The following SLC22A3 variants were observed in gnomAD, a reference collection of about 807,000 sequenced individuals.
SLC22A3 encodes solute carrier family 22 member 3.
SLC22A3 carries 51 observed loss-of-function variants against 59.1 expected under a neutral mutation model. The observed-to-expected ratio is 0.86, with a 90% CI of 0.69 to 1.09. The LOEUF (loss-of-function observed/expected upper bound fraction) is 1.09, where lower values mean the gene tolerates loss of function less well. SLC22A3 is among the 50% of genes least tolerant of loss of function. SLC22A3 has a pLI of 0.00. For synonymous variants in SLC22A3, 325 were observed against 292.0 expected (o/e 1.11, Z -1.15); for missense variants, 711 against 726.3 (o/e 0.98, Z 0.24).
chr6:160,351,437 T>C (rs371186697), intron 1 of SLC22A3, among the ~76,000 whole-genome samples: 345 of 152,350 alleles, frequency 2.3e-3, no homozygotes, highest in African/African-American at 7.7e-3. Context: ...CCAAATAGTT[T>C]TGTGCTTCTT....
chr6:160,411,888 G>A (rs911430819), intron 5 of SLC22A3, among the ~76,000 whole-genome samples: 55 of 152,200 alleles, frequency 3.6e-4, no homozygotes, highest in African/African-American at 1.3e-3. Flanking sequence ...ATATGATGAT[G>A]TTTTAGCTCC....
At chr6:160,377,479 C>CA (rs113037123) in intron 1 of SLC22A3, among the ~76,000 whole-genome samples, 6,383 of 135,148 alleles carry the variant, frequency 0.047, 387 homozygotes, top group African/African-American at 0.15. Flanking sequence ...GACTCTATTT[C>CA]AAAAAAAAAA....
At chr6:160,349,068 T>A in intron 1 of SLC22A3, 1 of 985,472 alleles carries the variant, frequency 1.0e-6, no homozygotes, top group Non-Finnish European at 1.2e-6. Flanking sequence ...CGTGAGTTAA[T>A]GCACAGATAC....
chr6:160,451,365 G>A lies in SLC22A3; in HGVS notation c.*309G>A, dbSNP rs1788957204. ...TCTCTGACCCATTAGGCTAAAGAGAGACAAGAGAAGCCCCCAACCTGATTC... is the reference window on the plus strand; with the variant it reads ...TCTCTGACCCATTAGGCTAAAGAGAAACAAGAGAAGCCCCCAACCTGATTC... On this transcript the variant is annotated 3_prime_UTR_variant, in exon 11 of 11. Transcript: ENST00000275300. The A allele has an allele frequency of 3.1e-6, 1 of 324,432 alleles. No individual in the cohort carries two copies. Among genetic ancestry groups the A allele is most frequent in the South Asian group, 4.1e-5 (1 of 24,130 alleles). 20.1% of individuals were successfully genotyped at this position (324,432 alleles called of 1,614,324 possible).
chr6:160,398,710 G>C (rs1786628932), intron 2 of SLC22A3, among the ~76,000 whole-genome samples: 1 of 152,072 alleles, frequency 6.6e-6, no homozygotes, highest in South Asian at 2.1e-4. Context: ...GCTAGCTATT[G>C]TATTCATGTT....
intron 10 of SLC22A3, among the ~76,000 whole-genome samples, chr6:160,450,056 A>T (rs1788892327): frequency 6.6e-6 from 1 of 152,210 alleles, no homozygotes; most frequent in Admixed American, 6.5e-5. Flanking sequence ...GTCTTGATAA[A>T]CATCTTAAAC....
rs920591596 is a variant in SLC22A3 at position 160,452,116 on chromosome 6, C to T, written c.*1060C>T. ...TACAGAGACTAATAAGGGATTTGAT[C>T]TTTCTTTTTTTGTTATCGAGGCTTT... On this transcript the variant is annotated 3_prime_UTR_variant, in exon 11 of 11. Coordinates refer to ENST00000275300, the MANE Select transcript of SLC22A3 (RefSeq NM_021977.4). 2.0e-5 allele frequency: 3 copies of T among 152,106 alleles called. No individual in the cohort carries two copies. The highest frequency in any genetic ancestry group is 7.2e-5 in the African/African-American group (3 of 41,428). The allele number at this position is 152,106 out of a possible 1,614,324, so 9.4% of individuals were successfully genotyped here.
intron 1 of SLC22A3, among the ~76,000 whole-genome samples, chr6:160,385,246 T>A (rs1282709662): frequency 1.3e-5 from 2 of 152,266 alleles, no homozygotes; most frequent in Non-Finnish European, 2.9e-5. Flanking sequence ...AGAATTGTGC[T>A]GAGCCCTGCT....
intron 1 of SLC22A3, among the ~76,000 whole-genome samples, chr6:160,360,287 G>A (rs2457558): frequency 0.17 from 26,304 of 151,998 alleles, 2,724 homozygotes; most frequent in Non-Finnish European, 0.23. Context: ...GTGAAACCCC[G>A]TCTCTACTAA....
intron 1 of SLC22A3, among the ~76,000 whole-genome samples, chr6:160,386,348 C>T (rs539031681): frequency 1.3e-5 from 2 of 152,370 alleles, no homozygotes; most frequent in East Asian, 3.9e-4. Context: ...AAGGTTGTGG[C>T]ACTGCAGGGT....
intron 1 of SLC22A3, among the ~76,000 whole-genome samples, chr6:160,394,983 C>T (rs1040198686): frequency 2.0e-5 from 3 of 152,170 alleles, no homozygotes; most frequent in Non-Finnish European, 4.4e-5. Context: ...CCTACTGGTA[C>T]AACCTACACA....
At position 160,451,382 on chromosome 6, in the gene SLC22A3, A is replaced by G. The variant is rs999737030; in HGVS notation, c.*326A>G. On this transcript the variant is annotated 3_prime_UTR_variant, in exon 11 of 11. Transcript: ENST00000275300. ...TAAAGAGAGACAAGAGAAGCCCCCA[A>G]CCTGATTCTCATGACAGCTCCATCA... is the stretch of plus-strand genomic sequence containing the variant. The G allele has an allele frequency of 3.5e-6, 1 of 285,218 alleles. No homozygotes were observed. The highest frequency in any genetic ancestry group is 2.2e-5 in the African/African-American group (1 of 46,274). 17.7% of individuals were successfully genotyped at this position (285,218 alleles called of 1,614,324 possible). A position where few individuals can be genotyped will look rare whatever the true frequency, so the allele number is the denominator to read the frequency against.
intron 4 of SLC22A3, 57 bp from the exon 5 acceptor site, chr6:160,410,672 A>G: frequency 9.3e-7 from 1 of 1,076,526 alleles, no homozygotes; most frequent in Non-Finnish European, 1.4e-6. Context: ...TCAAGGCAAT[A>G]GATTTTAGCG....
rs1562508119 is a variant in SLC22A3 at position 160,451,058 on chromosome 6, G to GC, written c.*7dup. 1 of 1,589,784 alleles carries GC rather than the reference G, an allele frequency of 6.3e-7. No individual in the cohort carries two copies. The highest frequency in any genetic ancestry group is 8.6e-7 in the Non-Finnish European group (1 of 1,165,962). The stretch of plus-strand genomic sequence containing the variant: ...CCAGTTTCCCGCTCTCACCTTTGAG[G>GC]CCCCCGACAAAGACAGAAAGAAGGA... On this transcript the variant is annotated 3_prime_UTR_variant, in exon 11 of 11. Coordinates refer to ENST00000275300, the MANE Select transcript of SLC22A3 (RefSeq NM_021977.4).
chr6:160,441,607 C>CTTTTT (rs3066987), intron 7 of SLC22A3, among the ~76,000 whole-genome samples: 2 of 136,598 alleles, frequency 1.5e-5, no homozygotes, highest in South Asian at 2.3e-4. Context: ...TGAATTTTAG[C>CTTTTT]TTTTTTTTTT....
intron 1 of SLC22A3, among the ~76,000 whole-genome samples, chr6:160,381,942 T>C (rs1023344133): frequency 5.9e-5 from 9 of 152,218 alleles, no homozygotes; most frequent in African/African-American, 9.6e-5. Flanking sequence ...ATATGTATAA[T>C]GGTAGGAATT....
chr6:160,430,865 T>C (rs183927367), intron 5 of SLC22A3, among the ~76,000 whole-genome samples: 2 of 152,300 alleles, frequency 1.3e-5, no homozygotes, highest in East Asian at 3.9e-4. Context: ...TGATTCTGTT[T>C]CTATGAAATT....
chr6:160,384,887 G>C (rs1222335659), intron 1 of SLC22A3, among the ~76,000 whole-genome samples: 1 of 152,150 alleles, frequency 6.6e-6, no homozygotes, highest in Non-Finnish European at 1.5e-5. Context: ...TCCGCACAGT[G>C]GGCTTTCTCT....
chr6:160,407,194 T>G lies in SLC22A3; in HGVS notation c.687T>G (p.Ile229Met). 1 of 1,605,276 alleles carries G rather than the reference T, an allele frequency of 6.2e-7. No homozygotes were observed. Among genetic ancestry groups the G allele is most frequent in the Non-Finnish European group, 8.5e-7 (1 of 1,176,378 alleles). The change falls in exon 3 of 11, where the codon ATT becomes ATG. Residue 229 changes from isoleucine (I) to methionine (M), a missense_variant and splice_region_variant. Physicochemically the swap from Ile to Met is conservative, Grantham distance 10 (BLOSUM62 1). Transcript: ENST00000275300. ...GKGTWMTCYV[I>M]VTEIVGSKQR... ...GGACGTGGATGACTTGCTACGTGAT[T>G]GGTAAGACATTCTTACACCATCTTC... is the stretch of plus-strand genomic sequence containing the variant.
Sources: allele counts gnomAD v4.1 joint callset (sites outside exome capture counted in the v4.1 genomes callset), GRCh38; gene constraint gnomAD v4.1.1; transcripts MANE v1.5; gene names NCBI Gene and HGNC (gene_info 2026-07-23, HGNC 2026-07-21).